PEX1: variants seen among roughly 807,000 people sequenced by gnomAD.
PEX1 encodes peroxisomal ATPase PEX1.
PEX1 carries 97 observed loss-of-function variants against 152.5 expected under a neutral mutation model. The ratio of observed to expected loss-of-function variants is 0.64; its 90% CI spans 0.54 to 0.75. PEX1 has a LOEUF of 0.75. PEX1 is among the 30% of genes least tolerant of loss of function. PEX1 has a pLI of 0.00. For synonymous variants in PEX1, 485 were observed against 531.6 expected (o/e 0.91, Z 1.21); for missense variants, 1,357 against 1,516.3 (o/e 0.89, Z 1.74).
Position 92,528,520 on chromosome 7 carries a change from G to T in PEX1, c.-85C>A. 1 of 1,464,292 alleles carries T rather than the reference G, an allele frequency of 6.8e-7. No individual in the cohort carries two copies. The highest frequency in any genetic ancestry group is 9.0e-7 in the Non-Finnish European group (1 of 1,107,886). 90.7% of individuals were successfully genotyped at this position (1,464,292 alleles called of 1,614,324 possible). A position where few individuals can be genotyped will look rare whatever the true frequency, so the allele number is the denominator to read the frequency against. The stretch of plus-strand genomic sequence containing the variant: ...GCAGGCCGAGGACGTCGGAGCCGGA[G>T]GAGATCGATCGGCCCCGCCCCCTGC... On this transcript the variant is annotated 5_prime_UTR_variant, in exon 1 of 24. Transcript: ENST00000248633.
chr7:92,490,976 A>G (rs1791276248), intron 21 of PEX1, among the ~76,000 whole-genome samples: 1 of 152,260 alleles, frequency 6.6e-6, no homozygotes, highest in Non-Finnish European at 1.5e-5. Context: ...AGTTTACTAT[A>G]AAATGGAACT....
At chr7:92,504,044 A>C (rs1156381965) in intron 12 of PEX1, among the ~76,000 whole-genome samples, 1 of 152,012 alleles carries the variant, frequency 6.6e-6, no homozygotes, top group African/African-American at 2.4e-5. Flanking sequence ...CTTTATTAGC[A>C]TGAAATTGGT....
chr7:92,508,799 CAA>C (rs1792317990), intron 9 of PEX1, among the ~76,000 whole-genome samples: 2 of 151,628 alleles, frequency 1.3e-5, no homozygotes, highest in Non-Finnish European at 2.9e-5. Context: ...CCTACTTAAT[CAA>C]AAGAGGAATT....
At chr7:92,504,936 CA>C (rs1428761037) in intron 11 of PEX1, 34 bp from the exon 12 acceptor site, 1 of 1,500,182 alleles carries the variant, frequency 6.7e-7, no homozygotes. Context: ...GTTTCAGTAT[CA>C]TTTCAGTGCT....
At chr7:92,500,798 T>C (rs1183116869) in intron 15 of PEX1, among the ~76,000 whole-genome samples, 4 of 152,182 alleles carry the variant, frequency 2.6e-5, no homozygotes, top group Non-Finnish European at 5.9e-5. Context: ...CCATCTGATC[T>C]TCTGAAGAAC....
chr7:92,495,313 C>T lies in PEX1; in HGVS notation c.2784-684G>A, dbSNP rs12672925. ...AACACCTAATATAAAACACCTGTCACGGTGATTGAAAAAAATCAACAGCTA... is the reference window on the plus strand; with the variant it reads ...AACACCTAATATAAAACACCTGTCATGGTGATTGAAAAAAATCAACAGCTA... On this transcript the variant is annotated intron_variant, in intron 17 of 23. Coordinates refer to ENST00000248633, the MANE Select transcript of PEX1 (RefSeq NM_000466.3). 2.4e-3 allele frequency among the ~76,000 whole-genome samples: 371 copies of T among 152,062 alleles called. 13 individuals are homozygous for T. In the East Asian group the frequency reaches 0.068, roughly 28 times the overall value.
chr7:92,518,395 C>T, intron 3 of PEX1, 140 bp from the exon 4 acceptor site: 1 of 664,912 alleles, frequency 1.5e-6, no homozygotes, highest in Non-Finnish European at 2.7e-6. Context: ...TTATGAGCTA[C>T]ATATAGATAG....
intron 7 of PEX1, 114 bp downstream of exon 7, chr7:92,511,466 A>T (rs1455761404): frequency 1.2e-6 from 1 of 853,704 alleles, no homozygotes; most frequent in Non-Finnish European, 1.8e-6. Context: ...TTTAATTATC[A>T]TAATTATATT....
intron 20 of PEX1, 34 bp from the exon 21 acceptor site, chr7:92,491,536 T>A (rs1298359373): frequency 4.7e-6 from 6 of 1,286,792 alleles, no homozygotes; most frequent in Non-Finnish European, 6.8e-6. Flanking sequence ...AGTTTAAAGA[T>A]GTAAACAATT....
At chr7:92,520,834 T>C (rs1029924383) in intron 2 of PEX1, among the ~76,000 whole-genome samples, 1 of 152,198 alleles carries the variant, frequency 6.6e-6, no homozygotes, top group Non-Finnish European at 1.5e-5. Flanking sequence ...GGGGTAATAA[T>C]TGCAGAAAAT....
chr7:92,528,297 G>A lies in PEX1; in HGVS notation c.129+10C>T, dbSNP rs886062508. 3.2e-6 allele frequency: 5 copies of A among 1,553,212 alleles called. No individual in the cohort carries two copies. The highest frequency in any genetic ancestry group is 1.9e-5 in the Admixed American group (1 of 51,334). ...GCTGAAGATCAGGTGGCTCGGGGCC[G>A]GCAGGTTACCTGCAGCAGATGCAGC... On this transcript the variant is annotated intron_variant, in intron 1 of 23. Coordinates refer to ENST00000248633, the MANE Select transcript of PEX1 (RefSeq NM_000466.3).
In PEX1 at chr7:92,512,017, C is replaced by T. The variant is rs143779903; in HGVS notation, c.1360-314G>A. Among the ~76,000 whole-genome samples the T allele has an allele frequency of 1.5e-3, 226 of 152,308 alleles. 1 individual carries two copies. The highest frequency in any genetic ancestry group is 5.1e-3 in the African/African-American group (211 of 41,564). On this transcript the variant is annotated intron_variant, in intron 6 of 23. Transcript: ENST00000248633. ...CCCCATTCTCCCTTTCCTCCCTCTA[C>T]GATAAAGACAGGAAAACAAATTCCT...
intron 15 of PEX1, among the ~76,000 whole-genome samples, chr7:92,500,906 C>T (rs377525588): frequency 6.6e-6 from 1 of 152,214 alleles, no homozygotes; most frequent in African/African-American, 2.4e-5. Context: ...AATCTAGCTT[C>T]ACCCATCAGT....
chr7:92,521,263 G>A (rs1424141948), intron 2 of PEX1, among the ~76,000 whole-genome samples: 2 of 152,162 alleles, frequency 1.3e-5, no homozygotes, highest in Admixed American at 6.5e-5. Flanking sequence ...ATTGAGCCCA[G>A]CCTCACATTA....
At chr7:92,514,098 T>C (rs1792610312) in intron 5 of PEX1, 131 bp from the exon 6 acceptor site, 2 of 625,636 alleles carry the variant, frequency 3.2e-6, no homozygotes, top group South Asian at 2.1e-5. Context: ...TAATAACTCA[T>C]AGTTGTCTCA....
intron 23 of PEX1, among the ~76,000 whole-genome samples, chr7:92,487,911 A>G (rs1005942233): frequency 6.6e-6 from 1 of 152,216 alleles, no homozygotes. Context: ...ATGGTGCAGT[A>G]TATCTGGCAG....
At chr7:92,489,641 G>T in intron 22 of PEX1, 73 bp downstream of exon 22, 2 of 1,376,340 alleles carry the variant, frequency 1.5e-6, no homozygotes, top group South Asian at 1.2e-5. Context: ...ATAAGTCAAA[G>T]AAATATATAT....
rs1328142933 is a variant in PEX1 at position 92,517,910 on chromosome 7, T to A, written c.605A>T (p.Tyr202Phe). 2 of 1,572,448 alleles carry A rather than the reference T, an allele frequency of 1.3e-6. No homozygotes were observed. Among genetic ancestry groups the A allele is most frequent in the East Asian group, 4.5e-5 (2 of 44,612 alleles). Reference protein sequence around the residue: ...ADAEYKKLHSYGRDQKGMMKE... With the variant: ...ADAEYKKLHSFGRDQKGMMKE... ...CATCATTCCTTTCTGGTCTCTTCCA[T>A]AACTATGAAGTTTTTTATATTCAGC... The change falls in exon 5 of 24, where the codon TAT becomes TTT. Residue 202 changes from tyrosine to phenylalanine, a missense_variant. Coordinates refer to ENST00000248633, the MANE Select transcript of PEX1 (RefSeq NM_000466.3).
chr7:92,526,277 G>A (rs1166087743), intron 1 of PEX1, among the ~76,000 whole-genome samples: 2 of 152,116 alleles, frequency 1.3e-5, no homozygotes, highest in African/African-American at 2.4e-5. Flanking sequence ...AAGATTTTAG[G>A]TCTGATTTAA....
Sources: allele counts gnomAD v4.1 joint callset (sites outside exome capture counted in the v4.1 genomes callset), GRCh38; gene constraint gnomAD v4.1.1; transcripts MANE v1.5; gene names NCBI Gene and HGNC (gene_info 2026-07-23, HGNC 2026-07-21).